DDX54: variants seen among roughly 807,000 people sequenced by gnomAD.
DDX54 encodes DEAD-box helicase 54.
In DDX54, 67 loss-of-function variants were observed where a neutral mutation model predicts 105.5. The ratio of observed to expected loss-of-function variants is 0.64; its 90% CI spans 0.52 to 0.78. The LOEUF (loss-of-function observed/expected upper bound fraction) is 0.78, where lower values mean the gene tolerates loss of function less well. DDX54 is among the 30% of genes least tolerant of loss of function. The pLI, the probability that DDX54 is intolerant of heterozygous loss-of-function variation, is 0.00. For synonymous variants in DDX54, 514 were observed against 509.9 expected (o/e 1.01, Z -0.11); for missense variants, 1,206 against 1,230.5 (o/e 0.98, Z 0.30).
chr12:113,179,624 C>T lies in DDX54; in HGVS notation c.376-293G>A, dbSNP rs1020064325. On this transcript the variant is annotated intron_variant, in intron 3 of 19. Transcript: ENST00000306014. ...CCTCAGAACCCCAGAGAAATGGCTC[C>T]CACTGGGCGAAATGTCTAAGAAGAA... Among the ~76,000 whole-genome samples the T allele has an allele frequency of 2.2e-4, 33 of 152,170 alleles. 1 individual carries two copies. The highest frequency in any genetic ancestry group is 2.1e-3 in the Admixed American group (32 of 15,276).
At position 113,163,391 on chromosome 12, in the gene DDX54, T is replaced by C; in HGVS notation, c.1939-117A>G. 2 of 1,434,876 alleles carry C rather than the reference T, an allele frequency of 1.4e-6. No individual in the cohort carries two copies. The highest frequency in any genetic ancestry group is 1.4e-5 in the South Asian group (1 of 71,522). The allele number at this position is 1,434,876 out of a possible 1,614,324, so 88.9% of individuals were successfully genotyped here. ...GGGGCCAGTGGCTTCTCGGGGACTT[T>C]CAAAGCTTCATTTTGCCATTTCTTA... On this transcript the variant is annotated intron_variant, in intron 15 of 19. Coordinates refer to ENST00000306014, the MANE Select transcript of DDX54 (RefSeq NM_024072.4). The surrounding 1 kb of genome is among the most constrained non-coding windows in gnomAD (Gnocchi z 5.9).
At position 113,163,112 on chromosome 12, in the gene DDX54, G is replaced by C. The variant is rs1241233150; in HGVS notation, c.2081+20C>G. 5 of 1,612,044 alleles carry C rather than the reference G, an allele frequency of 3.1e-6. No individual in the cohort carries two copies. Among genetic ancestry groups the C allele is most frequent in the Non-Finnish European group, 3.4e-6 (4 of 1,179,764 alleles). ...CCAGCGGACCCAACTGCCCCACCCA[G>C]GACCCAGCCAGCCACTCACCCCCGC... On this transcript the variant is annotated intron_variant, in intron 16 of 19. Transcript: ENST00000306014. The surrounding 1 kb of genome is among the most constrained non-coding windows in gnomAD (Gnocchi z 5.9).
intron 18 of DDX54, 32 bp from the exon 19 acceptor site, chr12:113,161,414 GC>G: frequency 6.4e-7 from 1 of 1,570,672 alleles, no homozygotes; most frequent in Non-Finnish European, 8.7e-7. Context: ...GCTGCGTGAA[GC>G]CCCTGGGATG....
chr12:113,158,908 G>A lies in DDX54; in HGVS notation c.2615C>T (p.Ser872Phe), dbSNP rs759318593. ...QQGAFGRGAR[S>F]KKGKMRKRM ...CCTCTTCCGCATCTTGCCCTTCTTGGAGCGGGCACCCCGGCCGAAGGCGCC... is the reference window on the plus strand; with the variant it reads ...CCTCTTCCGCATCTTGCCCTTCTTGAAGCGGGCACCCCGGCCGAAGGCGCC... The change falls in exon 20 of 20, where the codon TCC becomes TTC. Residue 872 changes from serine to phenylalanine, a missense_variant. Physicochemically the swap from Ser to Phe is radical, Grantham distance 155. Around this residue, in one of 3 missense-constraint regions of DDX54, gnomAD observed 961 missense variants for 1,019.1 expected, o/e 0.94. Coordinates refer to ENST00000306014, the MANE Select transcript of DDX54 (RefSeq NM_024072.4). The surrounding 1 kb of genome is among the most constrained non-coding windows in gnomAD (Gnocchi z 4.9). 5 of 1,607,396 alleles carry A rather than the reference G, an allele frequency of 3.1e-6. No individual in the cohort carries two copies. Among genetic ancestry groups the A allele is most frequent in the Non-Finnish European group, 4.3e-6 (5 of 1,175,292 alleles).
chr12:113,172,600 G>C, intron 10 of DDX54, 37 bp from the exon 11 acceptor site: 1 of 1,606,074 alleles, frequency 6.2e-7, no homozygotes, highest in Admixed American at 1.7e-5. Context: ...GTGAGAAGGA[G>C]ACTTGGAGGA....
chr12:113,169,129 C>T (rs1397097381), intron 12 of DDX54, among the ~76,000 whole-genome samples: 1 of 152,042 alleles, frequency 6.6e-6, no homozygotes, highest in Non-Finnish European at 1.5e-5. Context: ...AATGGGGGTG[C>T]CACAGCTTAG....
intron 19 of DDX54, among the ~76,000 whole-genome samples, chr12:113,159,946 T>C (rs796097721): frequency 9.7e-4 from 148 of 152,246 alleles, no homozygotes; most frequent in African/African-American, 3.4e-3. Flanking sequence ...CTGTCTCCAA[T>C]GGAGCCAGGG....
At position 113,185,379 on chromosome 12, in the gene DDX54, C is replaced by T; in HGVS notation, c.73G>A (p.Gly25Arg). 6.4e-7 allele frequency: 1 copy of T among 1,568,022 alleles called. No individual in the cohort carries two copies. The highest frequency in any genetic ancestry group is 8.6e-7 in the Non-Finnish European group (1 of 1,159,730). Residue 25 changes from glycine (G) to arginine (R), a missense_variant, in exon 1 of 20, where the codon GGG (glycine) becomes AGG (arginine). Gly to Arg is a moderately radical substitution (Grantham distance 125). Around this residue, in one of 3 missense-constraint regions of DDX54, gnomAD observed 212 missense variants for 155.4 expected, o/e 1.36. Transcript: ENST00000306014. ...AAMAQWRKKK[G>R]LRKRRGAASQ... ...GCCGCGCCTCGGCGCTTCCGGAGCCCTTTCTTCTTCCTCCACTGGGCCATG... is the reference window on the plus strand; with the variant it reads ...GCCGCGCCTCGGCGCTTCCGGAGCCTTTTCTTCTTCCTCCACTGGGCCATG...
At chr12:113,180,826 C>A (rs2136326912) in intron 2 of DDX54, 103 bp downstream of exon 2, 4 of 1,566,490 alleles carry the variant, frequency 2.6e-6, no homozygotes, top group South Asian at 1.2e-5. Flanking sequence ...GTCTACCCAA[C>A]CACAGTGCTG....
chr12:113,172,323 C>T (rs1423822357), intron 11 of DDX54, 30 bp downstream of exon 11: 1 of 1,604,296 alleles, frequency 6.2e-7, no homozygotes, highest in South Asian at 1.1e-5. Context: ...GCACCCCTGC[C>T]TGCCCCAGGG....
At chr12:113,162,484 C>G (rs1210827210) in intron 17 of DDX54, among the ~76,000 whole-genome samples, 2 of 152,204 alleles carry the variant, frequency 1.3e-5, no homozygotes, top group African/African-American at 4.8e-5. Flanking sequence ...TGTGAGTGGT[C>G]ACATGGGGGA....
At position 113,175,169 on chromosome 12, in the gene DDX54, G is replaced by A. The variant is rs1199742077; in HGVS notation, c.753-12C>T. ...CCATTTCAAAAAGCCTGGAAGGGTA[G>A]AGGGCAGGACTGGGTCAGAGGGGGC... On this transcript the variant is annotated splice_polypyrimidine_tract_variant and intron_variant, in intron 7 of 19. Transcript: ENST00000306014. 1.3e-6 allele frequency: 2 copies of A among 1,598,472 alleles called. No individual in the cohort carries two copies. The highest frequency in any genetic ancestry group is 1.3e-5 in the African/African-American group (1 of 74,902).
At chr12:113,162,169 T>C (rs548834799) in intron 17 of DDX54, among the ~76,000 whole-genome samples, 172 bp from the exon 18 acceptor site, 37 of 152,220 alleles carry the variant, frequency 2.4e-4, no homozygotes, top group Non-Finnish European at 4.7e-4. Flanking sequence ...GCTTCTTCCC[T>C]ATCCCTCCTC....
chr12:113,174,961 G>A (rs1390106060), intron 8 of DDX54, 25 bp from the exon 9 acceptor site: 2 of 1,612,272 alleles, frequency 1.2e-6, no homozygotes, highest in East Asian at 2.2e-5. Context: ...GGGGAAAGTG[G>A]GGGAGTCGCA....
Position 113,161,905 on chromosome 12 carries a change from T to C in DDX54, c.2288A>G (p.Tyr763Cys), listed in dbSNP as rs555431868. ...CCCCTCAGGATACAGGTCTCGCTTG[T>C]AGGAGCTGCTGATGTAGCGGCCGCT... ...TESGRYISSS[Y>C]KRDLYQKWKQ... The change falls in exon 18 of 20, where the codon TAC (tyrosine) becomes TGC (cysteine). Residue 763 changes from tyrosine (Y) to cysteine (C), a missense_variant. Physicochemically the swap from Tyr to Cys is radical, Grantham distance 194 (BLOSUM62 -2). Around this residue, in one of 3 missense-constraint regions of DDX54, gnomAD observed 961 missense variants for 1,019.1 expected, o/e 0.94. Transcript: ENST00000306014. 4.9e-5 allele frequency: 78 copies of C among 1,603,504 alleles called. 1 individual carries two copies. In the South Asian group the frequency reaches 6.3e-4, roughly 13 times the overall value.
rs371172279 is a variant in DDX54 at position 113,164,267 on chromosome 12, C to A, written c.1738G>T (p.Ala580Ser). The A allele has an allele frequency of 4.2e-5, 67 of 1,592,916 alleles. No individual in the cohort carries two copies. The African/African-American group carries it at 7.8e-4, about 18-fold the overall frequency. Residue 580 changes from alanine (A) to serine (S), a missense_variant, in exon 15 of 20, where the codon GCC becomes TCC. Around this residue, in one of 3 missense-constraint regions of DDX54, gnomAD observed 961 missense variants for 1,019.1 expected, o/e 0.94. Transcript: ENST00000306014. ...TGGCTGCACAGGTCTCGGCTGGAGG[C>A]GTTGATCTCAAAGATAGTCTGTGGA... ...RSRATIFEIN[A>S]SSRDLCSQVM...
chr12:113,166,201 C>T (rs1323202933), intron 12 of DDX54, among the ~76,000 whole-genome samples, 169 bp from the exon 13 acceptor site: 1 of 152,234 alleles, frequency 6.6e-6, no homozygotes, highest in African/African-American at 2.4e-5. Flanking sequence ...GAGCCAGACA[C>T]TTGAATACAC....
chr12:113,158,861 G>A lies in DDX54; in HGVS notation c.*16C>T, dbSNP rs1250435270. 1.3e-6 allele frequency: 2 copies of A among 1,579,590 alleles called. No homozygotes were observed. Among genetic ancestry groups the A allele is most frequent in the South Asian group, 2.3e-5 (2 of 87,382 alleles). On this transcript the variant is annotated 3_prime_UTR_variant, in exon 20 of 20. Coordinates refer to ENST00000306014, the MANE Select transcript of DDX54 (RefSeq NM_024072.4). The surrounding 1 kb of genome is among the most constrained non-coding windows in gnomAD (Gnocchi z 4.9). ...CCTAAGGCCAATCAAGGAGCCACGGGGCTGGGTCCTGGTCCTCACATCCTC... is the reference window on the plus strand; with the variant it reads ...CCTAAGGCCAATCAAGGAGCCACGGAGCTGGGTCCTGGTCCTCACATCCTC...
Position 113,160,259 on chromosome 12 carries a change from G to A in DDX54, c.2413+1011C>T, listed in dbSNP as rs79217570. Among the ~76,000 whole-genome samples the A allele has an allele frequency of 2.8e-3, 428 of 152,226 alleles. 6 individuals carry two copies. Among genetic ancestry groups the A allele is most frequent in the African/African-American group, 8.9e-3 (371 of 41,528 alleles). Reference sequence around the variant, plus strand: ...CTCACAGAGACACCCAGGGGAGGCAGTGACCAGCCCCAGGAGGTGGAGGGA... The same window carrying A: ...CTCACAGAGACACCCAGGGGAGGCAATGACCAGCCCCAGGAGGTGGAGGGA... On this transcript the variant is annotated intron_variant, in intron 19 of 19. Coordinates refer to ENST00000306014, the MANE Select transcript of DDX54 (RefSeq NM_024072.4).
Sources: gnomAD v4.1 joint callset for allele counts (sites outside exome capture counted in the v4.1 genomes callset) on GRCh38, gnomAD v4.1.1 for gene constraint, gnomAD v4.1.1 regional missense constraint, Gnocchi (gnomAD v3.1) non-coding constraint, MANE v1.5 for transcripts, NCBI Gene and HGNC (gene_info 2026-07-23, HGNC 2026-07-21) for gene names.